The following THSD7B variants were observed in gnomAD, a reference collection of about 807,000 sequenced individuals.
THSD7B encodes the protein thrombospondin type-1 domain-containing protein 7B.
Under a neutral mutation model 213.6 loss-of-function variants are expected in THSD7B, and 138 were observed. The observed-to-expected ratio is 0.65, with a 90% CI of 0.56 to 0.74. The LOEUF is 0.74. THSD7B is among the 30% of genes least tolerant of loss of function. The pLI is 0.00. For synonymous variants in THSD7B, 742 were observed against 687.0 expected (o/e 1.08, Z -1.25); for missense variants, 1,931 against 1,991.5 (o/e 0.97, Z 0.58).
intron 4 of THSD7B, among the ~76,000 whole-genome samples, chr2:137,097,310 A>G (rs904352278): frequency 3.3e-5 from 5 of 152,322 alleles, no homozygotes; most frequent in Middle Eastern, 3.4e-3. Context: ...AACTACATCT[A>G]TGTTTGTTAA....
chr2:136,903,974 T>TGTGTGTG (rs1573701122), intron 2 of THSD7B, among the ~76,000 whole-genome samples: 20 of 28,530 alleles, frequency 7.0e-4, no homozygotes, highest in South Asian at 3.3e-3. Context: ...GTGTGTGTGT[T>TGTGTGTG]TGTTTGTTTC....
At chr2:136,880,455 A>G (rs1452069404) in intron 1 of THSD7B, among the ~76,000 whole-genome samples, 1 of 152,088 alleles carries the variant, frequency 6.6e-6, no homozygotes, top group Non-Finnish European at 1.5e-5. Flanking sequence ...GTTATTTTAG[A>G]TCTCCTTCAC....
intron 7 of THSD7B, among the ~76,000 whole-genome samples, chr2:137,230,767 AAC>A: frequency 1.3e-5 from 2 of 152,304 alleles, no homozygotes; most frequent in South Asian, 4.1e-4. Context: ...GGTTGTCCAT[AAC>A]ACATCCACCA....
chr2:137,245,256 A>C (rs529784866), intron 10 of THSD7B, among the ~76,000 whole-genome samples: 7 of 152,280 alleles, frequency 4.6e-5, no homozygotes, highest in African/African-American at 1.7e-4. Context: ...CATGTTTGCT[A>C]TGTAGCAGAT....
rs569331454 is a variant in THSD7B, at chr2:137,241,568, G to A, written c.2151-889G>A. On this transcript the variant is annotated intron_variant, in intron 9 of 27. Transcript: ENST00000409968. ...TGGTTAGTATATTTGTTATTAACAG[G>A]CTGTCATATGTTGCTTCTTCCAACT... Among the ~76,000 whole-genome samples, 9 of 151,980 alleles carry A rather than the reference G, an allele frequency of 5.9e-5. No individual in the cohort carries two copies. The South Asian group carries it at 1.3e-3, about 21-fold the overall frequency.
intron 17 of THSD7B, among the ~76,000 whole-genome samples, chr2:137,605,185 G>A (rs566096574): frequency 6.6e-6 from 1 of 152,178 alleles, no homozygotes; most frequent in African/African-American, 2.4e-5. Flanking sequence ...TGAGAGGCAA[G>A]TACATAGTGA....
intron 12 of THSD7B, among the ~76,000 whole-genome samples, chr2:137,361,178 G>A (rs1038484817): frequency 7.3e-5 from 11 of 151,680 alleles, no homozygotes; most frequent in African/African-American, 2.4e-4. Context: ...GAAAGGAATA[G>A]CATCCACATC....
chr2:137,405,356 TACTGGAAGTTATTTTGGTTGCTGTCG>T (rs1406042148), intron 12 of THSD7B, among the ~76,000 whole-genome samples: 1 of 152,124 alleles, frequency 6.6e-6, no homozygotes, highest in African/African-American at 2.4e-5. Context: ...TACAATAAAT[TACTGGAAGTTATTTTGGTTGCTGTCG>T]ACGCAGGGTT....
intron 17 of THSD7B, among the ~76,000 whole-genome samples, chr2:137,592,844 T>C (rs191162013): frequency 2.5e-4 from 38 of 152,134 alleles, no homozygotes; most frequent in Admixed American, 1.2e-3. Flanking sequence ...GGATCTTTGA[T>C]GCTGCTTTTC....
intron 14 of THSD7B, among the ~76,000 whole-genome samples, chr2:137,426,420 G>T (rs1269484091): frequency 1.3e-5 from 2 of 152,030 alleles, no homozygotes; most frequent in Admixed American, 6.5e-5. Context: ...CACTTCCTGA[G>T]TTAAAATTAT....
intron 14 of THSD7B, among the ~76,000 whole-genome samples, chr2:137,434,954 T>G (rs1395919382): frequency 1.3e-5 from 2 of 152,226 alleles, no homozygotes; most frequent in Non-Finnish European, 2.9e-5. Context: ...GTTCATTGCC[T>G]AAAAAACTTA....
At chr2:137,597,112 G>C (rs1312871974) in intron 17 of THSD7B, among the ~76,000 whole-genome samples, 1 of 152,002 alleles carries the variant, frequency 6.6e-6, no homozygotes, top group East Asian at 1.9e-4. Context: ...TGTCAGAATG[G>C]AGGTTAGTAT....
At position 137,411,755 on chromosome 2, in the gene THSD7B, C is replaced by G. The variant is rs1284002988; in HGVS notation, c.2842C>G (p.Arg948Gly). 4 of 1,613,778 alleles carry G rather than the reference C, an allele frequency of 2.5e-6. No homozygotes were observed. In the African/African-American group the frequency reaches 5.3e-5, roughly 22 times the overall value. ...ILPEGRREPH[R>G]GLRVQADSKE... is the part of the protein sequence containing the mutation. The stretch of plus-strand genomic sequence containing the variant: ...TCCAGAAGGCAGAAGGGAGCCTCAC[C>G]GAGGACTGCGGGTACAAGCAGACAG... Residue 948 changes from arginine (R) to glycine (G), a missense_variant, in exon 14 of 28, where the codon CGA becomes GGA. Coordinates refer to ENST00000409968, the MANE Select transcript of THSD7B (RefSeq NM_001316349.2).
chr2:137,057,251 G>T (rs1312191812), intron 3 of THSD7B, 21 bp downstream of exon 3: 2 of 1,551,380 alleles, frequency 1.3e-6, no homozygotes, highest in South Asian at 2.4e-5. Flanking sequence ...TTTGATGCTT[G>T]AATTTGATTC....
At chr2:137,384,062 A>C (rs1262586266) in intron 12 of THSD7B, among the ~76,000 whole-genome samples, 2 of 152,170 alleles carry the variant, frequency 1.3e-5, no homozygotes, top group Non-Finnish European at 2.9e-5. Flanking sequence ...TTTCCAGCAG[A>C]GCATCCAAGT....
intron 1 of THSD7B, among the ~76,000 whole-genome samples, chr2:136,826,744 A>AT (rs1226467013): frequency 6.6e-6 from 1 of 152,170 alleles, no homozygotes; most frequent in Non-Finnish European, 1.5e-5. Context: ...AATAAAAGGA[A>AT]TTTCTTCACA....
intron 2 of THSD7B, among the ~76,000 whole-genome samples, chr2:136,922,623 GTTGTAC>G (rs1684454357): frequency 6.6e-6 from 1 of 152,120 alleles, no homozygotes; most frequent in Non-Finnish European, 1.5e-5. Flanking sequence ...CATTCTATTT[GTTGTAC>G]TTGATTGATG....
intron 15 of THSD7B, among the ~76,000 whole-genome samples, chr2:137,484,333 C>T (rs534657573): frequency 3.3e-3 from 491 of 146,990 alleles, no homozygotes; most frequent in Non-Finnish European, 5.6e-3. Context: ...ATCCATGTCC[C>T]TACAAAGGAC....
chr2:137,034,326 G>A (rs774655035), intron 2 of THSD7B, among the ~76,000 whole-genome samples: 3 of 151,934 alleles, frequency 2.0e-5, no homozygotes, highest in Admixed American at 6.6e-5. Context: ...GGATGCTCTC[G>A]ATCTCTTGAC....
Sources: gnomAD v4.1 joint callset for allele counts (sites outside exome capture counted in the v4.1 genomes callset) on GRCh38, gnomAD v4.1.1 for gene constraint, MANE v1.5 for transcripts, NCBI Gene and HGNC (gene_info 2026-07-23, HGNC 2026-07-21) for gene names.